The following ADH7 variants were observed in gnomAD, a reference collection of about 807,000 sequenced individuals.
ADH7 encodes the protein all-trans-retinol dehydrogenase [NAD(+)] ADH7.
ADH7 carries 41 observed loss-of-function variants against 34.4 expected under a neutral mutation model. That is an observed-to-expected ratio of 1.19 (90% confidence interval 0.93 to 1.55). ADH7 has a LOEUF of 1.55. Ranked by LOEUF, ADH7 falls within the 40% of genes most tolerant of loss-of-function variation. The pLI is 0.00. For missense variants in ADH7, 540 were observed against 461.2 expected (o/e 1.17, Z -1.56); for synonymous variants, 180 against 160.9 (o/e 1.12, Z -0.90).
chr4:99,413,293 C>G (rs1721450226), intron 8 of ADH7, 121 bp from the exon 9 acceptor site: 1 of 1,071,964 alleles, frequency 9.3e-7, no homozygotes, highest in East Asian at 2.5e-5. Context: ...TATTGGAAAT[C>G]CTCTGGGCTC....
intron 5 of ADH7, among the ~76,000 whole-genome samples, chr4:99,426,743 T>C (rs1378884742): frequency 1.3e-5 from 2 of 151,986 alleles, no homozygotes; most frequent in African/African-American, 4.8e-5. Context: ...CAAAGCTGGG[T>C]AGAGACACAA....
At chr4:99,419,945 A>C (rs142621070) in intron 6 of ADH7, among the ~76,000 whole-genome samples, 1 of 152,208 alleles carries the variant, frequency 6.6e-6, no homozygotes, top group East Asian at 1.9e-4. Flanking sequence ...GCCAGGTTGG[A>C]GCTTTCTAGT....
intron 1 of ADH7, 89 bp downstream of exon 1, chr4:99,435,127 G>A: frequency 6.4e-7 from 1 of 1,560,042 alleles, no homozygotes; most frequent in Middle Eastern, 1.7e-4. Context: ...ATCTCCAAGT[G>A]TTTAATTACT....
In ADH7 at chr4:99,428,156, A is replaced by G. The variant is rs559987193; in HGVS notation, c.278T>C (p.Leu93Pro). ...TVKPGDKVIP[L>P]FLPQCRECNA... ...GCATTCTCTACATTGTGGCAGAAAGAGAGGGATGACTTTGTCACCTACAGG... is the reference window on the plus strand; with the variant it reads ...GCATTCTCTACATTGTGGCAGAAAGGGAGGGATGACTTTGTCACCTACAGG... The change falls in exon 4 of 9, where the codon CTC becomes CCC. Residue 93 changes from leucine (L) to proline (P), a missense_variant. Physicochemically the swap from Leu to Pro is moderately conservative, Grantham distance 98 (BLOSUM62 -3). Coordinates refer to ENST00000437033, the MANE Select transcript of ADH7 (RefSeq NM_000673.7). 12 of 1,613,942 alleles carry G rather than the reference A, an allele frequency of 7.4e-6. No individual in the cohort carries two copies. In the East Asian group the frequency reaches 1.8e-4, roughly 24 times the overall value.
At chr4:99,434,879 G>T in intron 1 of ADH7, 2 of 669,296 alleles carry the variant, frequency 3.0e-6, no homozygotes, top group South Asian at 1.8e-5. Flanking sequence ...CTACTGAGAC[G>T]ATTGAAGTGT....
chr4:99,428,230 T>C, intron 3 of ADH7, 56 bp from the exon 4 acceptor site: 1 of 1,505,332 alleles, frequency 6.6e-7, no homozygotes, highest in Non-Finnish European at 9.2e-7. Flanking sequence ...AAATATGAAA[T>C]TAACAAATGT....
rs1208495710 is a variant in ADH7 at position 99,420,746 on chromosome 4, G to A, written c.612C>T (p.Gly204=). 1.2e-6 allele frequency: 2 copies of A among 1,613,842 alleles called. No individual in the cohort carries two copies. The highest frequency in any genetic ancestry group is 1.7e-6 in the Non-Finnish European group (2 of 1,179,894). Residue 204 remains glycine, a synonymous_variant, in exon 6 of 9, where the codon GGC becomes GGT. Transcript: ENST00000437033. ...TCVVFGLGGV[G]LSVIMGCKSA... ...ACTTACAGCCCATGATGACTGACAG[G>A]CCAACTCCTCCCAGGCCAAAGACGA...
At chr4:99,430,311 C>T (rs1721912756) in intron 1 of ADH7, 1 of 152,190 alleles carries the variant, frequency 6.6e-6, no homozygotes, top group African/African-American at 2.4e-5. Context: ...TAGTAGTGGA[C>T]ACTAGGTGTG....
intron 7 of ADH7, among the ~76,000 whole-genome samples, chr4:99,418,226 T>C (rs1721565622): frequency 1.3e-5 from 2 of 152,220 alleles, no homozygotes; most frequent in Non-Finnish European, 2.9e-5. Context: ...ATTCTTTCTT[T>C]TATATTTGTT....
chr4:99,422,512 G>C (rs1020824089), intron 5 of ADH7, among the ~76,000 whole-genome samples: 4 of 152,094 alleles, frequency 2.6e-5, no homozygotes, highest in Non-Finnish European at 5.9e-5. Context: ...AGGAGGTGGG[G>C]GGTGAGGGGA....
Position 99,415,472 on chromosome 4 carries a change from A to C in ADH7, c.1100+6T>G. ...AAGAGACAAGATCATCATAAGAAACAGTTACCTTTGTCCTGAATTGAGCAG... is the reference window on the plus strand; with the variant it reads ...AAGAGACAAGATCATCATAAGAAACCGTTACCTTTGTCCTGAATTGAGCAG... On this transcript the variant is annotated splice_donor_region_variant and intron_variant, in intron 8 of 8. Transcript: ENST00000437033. The C allele has an allele frequency of 6.2e-7, 1 of 1,609,710 alleles. No individual in the cohort carries two copies. Among genetic ancestry groups the C allele is most frequent in the Non-Finnish European group, 8.5e-7 (1 of 1,178,036 alleles).
chr4:99,423,438 C>T (rs2110136731), intron 5 of ADH7, among the ~76,000 whole-genome samples: 2 of 151,816 alleles, frequency 1.3e-5, no homozygotes, highest in South Asian at 4.2e-4. Context: ...CTCTAGATCC[C>T]TGAGGAATCG....
rs1721850405 is a variant in ADH7 at position 99,427,973 on chromosome 4, C to T, written c.364G>A (p.Val122Ile). 1 of 1,613,968 alleles carries T rather than the reference C, an allele frequency of 6.2e-7. No individual in the cohort carries two copies. Among genetic ancestry groups the T allele is most frequent in the Non-Finnish European group, 8.5e-7 (1 of 1,179,920 alleles). The change falls in exon 5 of 9, where the codon GTA becomes ATA. Residue 122 changes from valine (V) to isoleucine (I), a missense_variant. Coordinates refer to ENST00000437033, the MANE Select transcript of ADH7 (RefSeq NM_000673.7). ...CIRSDITGRGVLADGTTRFTC... is the reference protein window; with the variant it reads ...CIRSDITGRGILADGTTRFTC... ...AATCTGGTGGTGCCATCAGCCAGTACTCCACGACCAGTAATACTGTTTGAT... is the reference window on the plus strand; with the variant it reads ...AATCTGGTGGTGCCATCAGCCAGTATTCCACGACCAGTAATACTGTTTGAT...
chr4:99,414,336 T>C (rs138693541), intron 8 of ADH7, among the ~76,000 whole-genome samples: 63 of 152,186 alleles, frequency 4.1e-4, no homozygotes, highest in African/African-American at 1.4e-3. Flanking sequence ...AAAAAATTAG[T>C]AAAAATTTGG....
At chr4:99,427,748 T>C in intron 5 of ADH7, 25 bp downstream of exon 5, 1 of 1,378,850 alleles carries the variant, frequency 7.3e-7, no homozygotes, top group Non-Finnish European at 9.5e-7. Flanking sequence ...GAAGAACAAA[T>C]AAACTAGCCT....
At chr4:99,430,197 C>A (rs1446389352) in intron 1 of ADH7, 1 of 152,144 alleles carries the variant, frequency 6.6e-6, no homozygotes, top group Non-Finnish European at 1.5e-5. Flanking sequence ...ACTGTGAGTT[C>A]CTGGATGATT....
Position 99,412,425 on chromosome 4 carries a change from T to A in ADH7, c.*723A>T, listed in dbSNP as rs184047141. The stretch of plus-strand genomic sequence containing the variant: ...GGACTTGCAATTCTACTGTATCAAA[T>A]TGAACATTATGATAAGTATGATAAT... On this transcript the variant is annotated 3_prime_UTR_variant, in exon 9 of 9. Transcript: ENST00000437033. The A allele has an allele frequency of 2.0e-5, 3 of 152,210 alleles. No homozygotes were observed. The highest frequency in any genetic ancestry group is 2.0e-4 in the Admixed American group (3 of 15,280). 9.4% of individuals were successfully genotyped at this position (152,210 alleles called of 1,614,324 possible).
intron 7 of ADH7, among the ~76,000 whole-genome samples, chr4:99,418,693 G>A (rs1413213368): frequency 3.9e-5 from 6 of 152,072 alleles, no homozygotes; most frequent in South Asian, 4.1e-4. Flanking sequence ...GGATTAAATC[G>A]GAACTTCCTG....
At chr4:99,431,095 G>T (rs1237435061) in intron 1 of ADH7, among the ~76,000 whole-genome samples, 2 of 152,154 alleles carry the variant, frequency 1.3e-5, no homozygotes, top group Non-Finnish European at 2.9e-5. Flanking sequence ...ACTGTGCCTG[G>T]CCCAAGATTT....
Sources: gnomAD v4.1 joint callset for allele counts (sites outside exome capture counted in the v4.1 genomes callset) on GRCh38, gnomAD v4.1.1 for gene constraint, MANE v1.5 for transcripts, NCBI Gene and HGNC (gene_info 2026-07-23, HGNC 2026-07-21) for gene names.